ANKRD45: variants seen among roughly 807,000 people sequenced by gnomAD.
ANKRD45 encodes ankyrin repeat domain-containing protein 45.
Under a neutral mutation model 28.1 loss-of-function variants are expected in ANKRD45, and 21 were observed. The ratio of observed to expected loss-of-function variants is 0.75; its 90% CI spans 0.53 to 1.08. ANKRD45 has a LOEUF of 1.08. Ranked by LOEUF, ANKRD45 falls within the 50% of genes least tolerant of loss-of-function variation. The pLI is 0.00. For missense variants in ANKRD45, 261 were observed against 308.7 expected (o/e 0.85, Z 1.16); for synonymous variants, 86 against 103.9 (o/e 0.83, Z 1.05).
intron 3 of ANKRD45, among the ~76,000 whole-genome samples, chr1:173,631,648 A>C (rs1264308557): frequency 1.3e-5 from 2 of 152,220 alleles, no homozygotes; most frequent in African/African-American, 4.8e-5. Context: ...TTCTCTGACC[A>C]CAATGGAATA....
At chr1:173,615,435 C>A (rs1462576564) in intron 5 of ANKRD45, among the ~76,000 whole-genome samples, 1 of 150,116 alleles carries the variant, frequency 6.7e-6, no homozygotes, top group Admixed American at 6.6e-5. Flanking sequence ...GAAGTGCGGT[C>A]TAGTGCTCCT....
chr1:173,713,477 T>C, the ANKRD45 span, among the ~76,000 whole-genome samples: 2 of 152,178 alleles, frequency 1.3e-5, no homozygotes, highest in Admixed American at 6.5e-5. Context: ...ACAACGGGGA[T>C]AGATGAGCCT....
chr1:173,694,865 T>C, the ANKRD45 span, among the ~76,000 whole-genome samples: 1 of 152,190 alleles, frequency 6.6e-6, no homozygotes, highest in African/African-American at 2.4e-5. Context: ...AGATGTCCAA[T>C]GAATTGTCTA....
intron 4 of ANKRD45, among the ~76,000 whole-genome samples, chr1:173,626,625 C>A (rs940471861): frequency 6.6e-6 from 1 of 152,086 alleles, no homozygotes; most frequent in Non-Finnish European, 1.5e-5. Context: ...ATCCCACCCC[C>A]CGACTGCCTT....
At chr1:173,616,605 AG>A (rs1384510840) in intron 5 of ANKRD45, among the ~76,000 whole-genome samples, 1 of 152,220 alleles carries the variant, frequency 6.6e-6, no homozygotes, top group Non-Finnish European at 1.5e-5. Flanking sequence ...AAAAAATGTT[AG>A]GGGTGTGCCT....
At chr1:173,695,231 A>G in the ANKRD45 span, among the ~76,000 whole-genome samples, 2 of 152,180 alleles carry the variant, frequency 1.3e-5, no homozygotes, top group African/African-American at 4.8e-5. Flanking sequence ...ATTCAGGAGT[A>G]CATGTGCAGG....
At chr1:173,627,345 C>T (rs879667450) in intron 3 of ANKRD45, among the ~76,000 whole-genome samples, 186 bp from the exon 4 acceptor site, 3 of 152,170 alleles carry the variant, frequency 2.0e-5, no homozygotes, top group Admixed American at 1.3e-4. Context: ...CTCCTTTTAA[C>T]ATCATATTAA....
intron 5 of ANKRD45, among the ~76,000 whole-genome samples, chr1:173,613,515 G>GCTCCC (rs1348029537): frequency 6.9e-6 from 1 of 144,884 alleles, no homozygotes; most frequent in African/African-American, 2.6e-5. Flanking sequence ...TGGGGGCTCA[G>GCTCCC]CCCCCGCCCG....
At chr1:173,628,082 C>G (rs1405439819) in intron 3 of ANKRD45, among the ~76,000 whole-genome samples, 2 of 151,750 alleles carry the variant, frequency 1.3e-5, no homozygotes, top group East Asian at 2.0e-4. Context: ...GATTCATCAC[C>G]TGCTGACTAA....
At chr1:173,671,543 G>C (rs544973808), upstream of ANKRD45, among the ~76,000 whole-genome samples, 1 of 152,066 alleles carries the variant, frequency 6.6e-6, no homozygotes, top group African/African-American at 2.4e-5. Flanking sequence ...AATCAGGGGA[G>C]AAGGGACGCA....
chr1:173,655,302 T>G (rs1669451846), intron 2 of ANKRD45, among the ~76,000 whole-genome samples: 1 of 152,228 alleles, frequency 6.6e-6, no homozygotes, highest in Admixed American at 6.5e-5. Flanking sequence ...TTTTTGTTGA[T>G]GTTGATACTA....
chr1:173,636,751 ATAT>A, intron 3 of ANKRD45: 3 of 1,019,258 alleles, frequency 2.9e-6, no homozygotes, highest in East Asian at 5.2e-5. Context: ...AATTTGAACT[ATAT>A]TATTAACTAT....
intron 2 of ANKRD45, among the ~76,000 whole-genome samples, chr1:173,654,931 T>A (rs763121635): frequency 2.0e-5 from 3 of 152,234 alleles, no homozygotes; most frequent in Non-Finnish European, 4.4e-5. Context: ...TCTCCTGCCA[T>A]GATTTTCAGC....
chr1:173,643,019 A>G (rs1353792347), intron 3 of ANKRD45, among the ~76,000 whole-genome samples: 1 of 152,104 alleles, frequency 6.6e-6, no homozygotes, highest in Non-Finnish European at 1.5e-5. Context: ...TGTGACACCA[A>G]CCACCTGTTC....
At chr1:173,638,610 T>TA (rs1558130289) in intron 3 of ANKRD45, among the ~76,000 whole-genome samples, 1 of 152,112 alleles carries the variant, frequency 6.6e-6, no homozygotes, top group Admixed American at 6.5e-5. Flanking sequence ...ACAGGGAAGA[T>TA]AAACACCTGT....
chr1:173,635,730 A>C, intron 3 of ANKRD45: 1 of 1,535,430 alleles, frequency 6.5e-7, no homozygotes. Context: ...GCTAACATGG[A>C]TATATTTCAG....
chr1:173,694,599 G>A, the ANKRD45 span, among the ~76,000 whole-genome samples: 2 of 150,624 alleles, frequency 1.3e-5, no homozygotes, highest in African/African-American at 4.9e-5. Flanking sequence ...AGGTATGTGT[G>A]GTTTTTGGTT....
chr1:173,680,470 A>T, the ANKRD45 span, among the ~76,000 whole-genome samples: 1 of 152,050 alleles, frequency 6.6e-6, no homozygotes, highest in Non-Finnish European at 1.5e-5. Flanking sequence ...GCTCTCACTC[A>T]TAAGTGGGAG....
At chr1:173,611,801 T>G (rs570591155) in intron 5 of ANKRD45, among the ~76,000 whole-genome samples, 1 of 152,220 alleles carries the variant, frequency 6.6e-6, no homozygotes, top group Admixed American at 6.5e-5. Flanking sequence ...TCAATCCAAA[T>G]AAAGTTTTTT....
Sources: gnomAD v4.1 joint callset for allele counts (sites outside exome capture counted in the v4.1 genomes callset) on GRCh38, gnomAD v4.1.1 for gene constraint, MANE v1.5 for transcripts, NCBI Gene and HGNC (gene_info 2026-07-23, HGNC 2026-07-21) for gene names.